PLCZ1: variants seen among roughly 807,000 people sequenced by gnomAD.
The protein encoded by PLCZ1 is 1-phosphatidylinositol 4,5-bisphosphate phosphodiesterase zeta-1.
Under a neutral mutation model 76.8 loss-of-function variants are expected in PLCZ1, and 64 were observed. The ratio of observed to expected loss-of-function variants is 0.83; its 90% CI spans 0.68 to 1.03. The LOEUF is 1.03. PLCZ1 is among the 50% of genes least tolerant of loss of function. PLCZ1 has a pLI of 0.00. For synonymous variants in PLCZ1, 248 were observed against 230.8 expected, an observed-to-expected ratio of 1.07 and a Z score of -0.68; for missense variants, 751 against 713.7, an observed-to-expected ratio of 1.05 and a Z score of -0.60.
chr12:18,656,125 T>C, the PLCZ1 span, among the ~76,000 whole-genome samples: 1 of 152,106 alleles, frequency 6.6e-6, no homozygotes, highest in Non-Finnish European at 1.5e-5. Flanking sequence ...AAAGTTCCAT[T>C]CTTCCACAAA....
the PLCZ1 span, among the ~76,000 whole-genome samples, chr12:18,666,666 G>T: frequency 6.6e-6 from 1 of 152,130 alleles, no homozygotes; most frequent in Non-Finnish European, 1.5e-5. Flanking sequence ...CTAGACGAAA[G>T]ACAGAGAAAT....
chr12:18,661,066 A>C, the PLCZ1 span, among the ~76,000 whole-genome samples: 1 of 152,266 alleles, frequency 6.6e-6, no homozygotes, highest in East Asian at 1.9e-4. Context: ...AGTTAGAAGA[A>C]TTGATGAACT....
intron 3 of PLCZ1, among the ~76,000 whole-genome samples, chr12:18,732,660 A>G (rs1240521710): frequency 6.6e-6 from 1 of 151,708 alleles, no homozygotes; most frequent in Non-Finnish European, 1.5e-5. Context: ...CTATCATTCA[A>G]CTCTCTCCTT....
At chr12:18,670,224 C>CT in the PLCZ1 span, among the ~76,000 whole-genome samples, 213 of 152,114 alleles carry the variant, frequency 1.4e-3, 1 homozygote, top group African/African-American at 4.9e-3. Context: ...TAGGAAATCA[C>CT]TTTTTTCAGA....
chr12:18,728,161 G>A (rs1287596564), intron 3 of PLCZ1, among the ~76,000 whole-genome samples: 1 of 152,150 alleles, frequency 6.6e-6, no homozygotes, highest in Admixed American at 6.6e-5. Context: ...TTGTGTGTTA[G>A]GAATAGAGGA....
chr12:18,658,753 T>C, the PLCZ1 span, among the ~76,000 whole-genome samples: 1 of 152,148 alleles, frequency 6.6e-6, no homozygotes, highest in Non-Finnish European at 1.5e-5. Flanking sequence ...TTACATATTC[T>C]ATTTCACAGA....
At chr12:18,737,039 T>G (rs1446180545) in intron 2 of PLCZ1, among the ~76,000 whole-genome samples, 2 of 152,052 alleles carry the variant, frequency 1.3e-5, no homozygotes, top group Non-Finnish European at 2.9e-5. Context: ...CGAAATGAGA[T>G]AATGACAATT....
At chr12:18,700,454 C>A (rs1592110039) in intron 9 of PLCZ1, among the ~76,000 whole-genome samples, 1 of 137,032 alleles carries the variant, frequency 7.3e-6, no homozygotes, top group Non-Finnish European at 1.5e-5. Flanking sequence ...GCTTTGCATT[C>A]CCCTAGCAAC....
intron 3 of PLCZ1, among the ~76,000 whole-genome samples, chr12:18,734,518 T>C (rs1347708568): frequency 6.6e-6 from 1 of 152,118 alleles, no homozygotes; most frequent in Non-Finnish European, 1.5e-5. Flanking sequence ...GTCTGGCTAA[T>C]TTTTGTGTTT....
chr12:18,668,346 C>T, the PLCZ1 span, among the ~76,000 whole-genome samples: 1 of 152,184 alleles, frequency 6.6e-6, no homozygotes, highest in Non-Finnish European at 1.5e-5. Context: ...ATCTTTGCCA[C>T]TTTACCAGTT....
At chr12:18,690,202 A>T (rs1025868118) in intron 12 of PLCZ1, among the ~76,000 whole-genome samples, 1 of 151,472 alleles carries the variant, frequency 6.6e-6, no homozygotes, top group African/African-American at 2.4e-5. Context: ...AACAAAACAC[A>T]TCTGTTTTTT....
At chr12:18,721,772 T>C (rs1030097336) in intron 4 of PLCZ1, among the ~76,000 whole-genome samples, 1 of 151,690 alleles carries the variant, frequency 6.6e-6, no homozygotes, top group Non-Finnish European at 1.5e-5. Context: ...ATATAGTCGC[T>C]TAGTATTCTT....
chr12:18,675,397 G>C, the PLCZ1 span, among the ~76,000 whole-genome samples: 2 of 152,150 alleles, frequency 1.3e-5, no homozygotes, highest in African/African-American at 4.8e-5. Flanking sequence ...GCAGATAAAA[G>C]AGAATATTGA....
chr12:18,669,911 C>T, the PLCZ1 span, among the ~76,000 whole-genome samples: 4 of 152,150 alleles, frequency 2.6e-5, no homozygotes, highest in South Asian at 2.1e-4. Flanking sequence ...CCTTGTGATC[C>T]GCCCACCTGG....
chr12:18,653,804 TA>T, the PLCZ1 span, among the ~76,000 whole-genome samples: 3 of 152,118 alleles, frequency 2.0e-5, no homozygotes, highest in Admixed American at 6.6e-5. Flanking sequence ...TATTAACATT[TA>T]AAATAAAATA....
the PLCZ1 span, among the ~76,000 whole-genome samples, chr12:18,665,221 G>T: frequency 1.3e-5 from 2 of 151,836 alleles, no homozygotes; most frequent in African/African-American, 2.4e-5. Flanking sequence ...GCCAGGGACT[G>T]GTGGAATGGG....
At chr12:18,690,317 G>T (rs1953881611) in intron 12 of PLCZ1, among the ~76,000 whole-genome samples, 1 of 152,042 alleles carries the variant, frequency 6.6e-6, no homozygotes, top group African/African-American at 2.4e-5. Flanking sequence ...TCTGCCTCCT[G>T]GATTCAAGCG....
intron 3 of PLCZ1, among the ~76,000 whole-genome samples, chr12:18,733,135 A>G (rs894503823): frequency 6.6e-6 from 1 of 152,152 alleles, no homozygotes; most frequent in African/African-American, 2.4e-5. Context: ...GTACTTTTTT[A>G]TAATAATCAT....
the PLCZ1 span, among the ~76,000 whole-genome samples, chr12:18,665,624 C>G: frequency 6.6e-6 from 1 of 152,058 alleles, no homozygotes; most frequent in South Asian, 2.1e-4. Context: ...GAAACCCTGT[C>G]TGTACTGAAA....
Sources: allele counts gnomAD v4.1 joint callset (sites outside exome capture counted in the v4.1 genomes callset), GRCh38; gene constraint gnomAD v4.1.1; transcripts MANE v1.5; gene names NCBI Gene and HGNC (gene_info 2026-07-23, HGNC 2026-07-21).